The following EYS variants were observed in gnomAD, a reference collection of about 807,000 sequenced individuals.
EYS encodes protein eyes shut homolog.
In EYS, 250 loss-of-function variants were observed where a neutral mutation model predicts 282.1. That is an observed-to-expected ratio of 0.89 (90% CI 0.80 to 0.98). The LOEUF is 0.98. Among genes scored for constraint, EYS ranks in the 50% least tolerant of loss-of-function variants. The probability of loss-of-function intolerance (pLI) is 0.00; values close to 1 mark genes in which losing one functional copy is unlikely to be tolerated. For missense variants in EYS, 4,016 were observed against 3,709.0 expected (o/e 1.08, Z -2.15); for synonymous variants, 1,355 against 1,282.9 (o/e 1.06, Z -1.20).
At chr6:64,674,492 C>A (rs962102683) in intron 22 of EYS, among the ~76,000 whole-genome samples, 2 of 151,936 alleles carry the variant, frequency 1.3e-5, no homozygotes, top group African/African-American at 4.8e-5. Flanking sequence ...GCTGGCAACC[C>A]TAAGAGGCAG....
intron 33 of EYS, among the ~76,000 whole-genome samples, chr6:64,041,131 A>C (rs1036555308): frequency 3.9e-5 from 6 of 152,104 alleles, no homozygotes; most frequent in African/African-American, 1.2e-4. Context: ...GTGGTAGTGG[A>C]GCTTTGCCTC....
At chr6:65,264,162 T>G (rs532417268) in intron 12 of EYS, among the ~76,000 whole-genome samples, 1 of 152,284 alleles carries the variant, frequency 6.6e-6, no homozygotes, top group East Asian at 1.9e-4. Flanking sequence ...TCTTTCCAGT[T>G]GTTATACCTA....
chr6:64,863,828 G>A (rs898299828), intron 19 of EYS, among the ~76,000 whole-genome samples: 1 of 151,944 alleles, frequency 6.6e-6, no homozygotes, highest in Non-Finnish European at 1.5e-5. Flanking sequence ...AAAAATCTAG[G>A]GCTCGTGCAT....
chr6:63,882,590 A>G (rs1773160496), intron 35 of EYS, among the ~76,000 whole-genome samples: 1 of 152,212 alleles, frequency 6.6e-6, no homozygotes. Context: ...CCCGTTTTGC[A>G]TTGAGTTTGC....
chr6:65,379,559 G>C (rs1179585797), intron 8 of EYS, among the ~76,000 whole-genome samples: 1 of 151,956 alleles, frequency 6.6e-6, no homozygotes, highest in East Asian at 1.9e-4. Context: ...ACCGACACAA[G>C]ACAAGGATGC....
intron 31 of EYS, among the ~76,000 whole-genome samples, chr6:64,169,974 G>A (rs893646181): frequency 5.3e-5 from 8 of 152,140 alleles, no homozygotes; most frequent in Non-Finnish European, 1.0e-4. Context: ...ATAGGGAAAC[G>A]AATATAGACC....
intron 34 of EYS, among the ~76,000 whole-genome samples, chr6:63,994,688 G>T (rs963682091): frequency 6.6e-6 from 1 of 151,834 alleles, no homozygotes. Flanking sequence ...TCATCATCAA[G>T]AATCAATTTG....
chr6:64,342,594 C>G (rs192750519), intron 29 of EYS, among the ~76,000 whole-genome samples: 1 of 151,912 alleles, frequency 6.6e-6, no homozygotes, highest in African/African-American at 2.4e-5. Flanking sequence ...ACAACCGGTA[C>G]CAGCCACTGC....
At chr6:64,884,421 G>T (rs1767020984) in intron 19 of EYS, among the ~76,000 whole-genome samples, 1 of 151,558 alleles carries the variant, frequency 6.6e-6, no homozygotes, top group African/African-American at 2.4e-5. Flanking sequence ...GTATGATCTT[G>T]AAAAATATAC....
chr6:63,762,484 G>A lies in EYS; in HGVS notation c.8048C>T (p.Thr2683Ile), dbSNP rs996098321. The A allele has an allele frequency of 6.5e-7, 1 of 1,550,106 alleles. No individual in the cohort carries two copies. Among genetic ancestry groups the A allele is most frequent in the Non-Finnish European group, 8.7e-7 (1 of 1,145,868 alleles). Residue 2683 changes from threonine to isoleucine, a missense_variant, in exon 41 of 43, where the codon ACC becomes ATC. By Grantham distance (89) the Thr-to-Ile change is moderately conservative. Coordinates refer to ENST00000503581, the MANE Select transcript of EYS (RefSeq NM_001142800.2). ...HGYTCFCPLGTTGIYCEQALS... is the reference protein window; with the variant it reads ...HGYTCFCPLGITGIYCEQALS... ...ACCTTGTTCACAGTAGATTCCAGTG[G>A]TTCCTAGAGGACAGAAACAGGTGTA...
At chr6:63,772,970 T>A (rs1249100215) in intron 40 of EYS, among the ~76,000 whole-genome samples, 1 of 152,134 alleles carries the variant, frequency 6.6e-6, no homozygotes, top group African/African-American at 2.4e-5. Context: ...TTTTCTTACA[T>A]GTTTCTTTAC....
At chr6:65,243,803 G>A (rs1215469911) in intron 12 of EYS, among the ~76,000 whole-genome samples, 1 of 152,142 alleles carries the variant, frequency 6.6e-6, no homozygotes, top group African/African-American at 2.4e-5. Flanking sequence ...TAGCTACTCT[G>A]TAGGCTGAGG....
intron 31 of EYS, among the ~76,000 whole-genome samples, chr6:64,132,104 C>T (rs960334295): frequency 3.3e-5 from 5 of 151,850 alleles, no homozygotes; most frequent in African/African-American, 1.2e-4. Flanking sequence ...GAGTAAAATA[C>T]CTGTCAATGA....
chr6:64,690,212 C>A (rs973062544), intron 22 of EYS, among the ~76,000 whole-genome samples: 1 of 151,936 alleles, frequency 6.6e-6, no homozygotes, highest in African/African-American at 2.4e-5. Flanking sequence ...ATGCAGCCAA[C>A]AAACACATGA....
intron 36 of EYS, among the ~76,000 whole-genome samples, chr6:63,824,159 T>C (rs1370452644): frequency 6.6e-6 from 1 of 152,206 alleles, no homozygotes; most frequent in Admixed American, 6.5e-5. Flanking sequence ...AAGTTCTAAA[T>C]AAAGAAAACC....
intron 12 of EYS, among the ~76,000 whole-genome samples, chr6:65,069,959 T>C (rs73765748): frequency 5.5e-4 from 83 of 152,096 alleles, no homozygotes; most frequent in African/African-American, 1.9e-3. Flanking sequence ...TAGATGCTCC[T>C]GTCAGAAAAC....
intron 22 of EYS, among the ~76,000 whole-genome samples, chr6:64,763,364 T>C (rs551669486): frequency 6.6e-6 from 1 of 152,138 alleles, no homozygotes; most frequent in African/African-American, 2.4e-5. Flanking sequence ...GGAAGCAAGC[T>C]CCTTCTTCAT....
chr6:63,962,003 TG>T (rs1766088483), intron 35 of EYS, among the ~76,000 whole-genome samples: 1 of 152,138 alleles, frequency 6.6e-6, no homozygotes, highest in Non-Finnish European at 1.5e-5. Context: ...AAACAAGAAA[TG>T]GGGAAAGGAT....
chr6:63,919,678 C>G (rs1371826872), intron 35 of EYS, among the ~76,000 whole-genome samples: 1 of 152,224 alleles, frequency 6.6e-6, no homozygotes, highest in Non-Finnish European at 1.5e-5. Flanking sequence ...GATGATTTCC[C>G]TAGGTGAAAG....
Sources: gnomAD v4.1 joint callset for allele counts (sites outside exome capture counted in the v4.1 genomes callset) on GRCh38, gnomAD v4.1.1 for gene constraint, MANE v1.5 for transcripts, NCBI Gene and HGNC (gene_info 2026-07-23, HGNC 2026-07-21) for gene names.